Variants in LIFR observed in about 807,000 individuals in gnomAD.
LIFR encodes the protein LIF receptor subunit alpha, also known as leukemia inhibitory factor receptor.
In LIFR, 84 loss-of-function variants were observed where a neutral mutation model predicts 122.2. That is an observed-to-expected ratio of 0.69 (90% confidence interval 0.58 to 0.82). The LOEUF (loss-of-function observed/expected upper bound fraction) is 0.82. Among genes scored for constraint, LIFR ranks in the 40% least tolerant of loss-of-function variants. The pLI is 0.00. For synonymous variants in LIFR, 422 were observed against 434.7 expected (o/e 0.97, Z 0.36); for missense variants, 1,294 against 1,311.6 (o/e 0.99, Z 0.21).
chr5:38,589,603 C>G (rs1749858775), intron 1 of LIFR, among the ~76,000 whole-genome samples: 1 of 151,946 alleles, frequency 6.6e-6, no homozygotes, highest in African/African-American at 2.4e-5. Flanking sequence ...ATTTGATAAC[C>G]TTATTCCATT....
intron 1 of LIFR, among the ~76,000 whole-genome samples, chr5:38,584,621 A>G (rs1481545825): frequency 6.6e-6 from 1 of 152,180 alleles, no homozygotes; most frequent in African/African-American, 2.4e-5. Context: ...AGAAAAAAAA[A>G]ATAGTGCAAG....
At chr5:38,595,727 CTTTTTTTTT>C (rs70978897), upstream of LIFR, among the ~76,000 whole-genome samples, 4 of 91,932 alleles carry the variant, frequency 4.4e-5, no homozygotes, top group Non-Finnish European at 8.1e-5. Flanking sequence ...CACAATAGGT[CTTTTTTTTT>C]TTTTTTTTTT....
At chr5:38,491,160 G>A (rs1208739044) in intron 14 of LIFR, among the ~76,000 whole-genome samples, 1 of 152,154 alleles carries the variant, frequency 6.6e-6, no homozygotes, top group African/African-American at 2.4e-5. Context: ...AACTCCACAA[G>A]ATATAGAAAT....
intron 12 of LIFR, among the ~76,000 whole-genome samples, chr5:38,497,383 CT>C: frequency 6.6e-6 from 1 of 152,216 alleles, no homozygotes. Context: ...TGAAGAAAAA[CT>C]ATACTTGCTA....
chr5:38,520,336 G>A (rs1189939108), intron 5 of LIFR, among the ~76,000 whole-genome samples: 1 of 152,070 alleles, frequency 6.6e-6, no homozygotes, highest in Non-Finnish European at 1.5e-5. Flanking sequence ...TTGTTGAGTT[G>A]TTTTAGTTCA....
intron 6 of LIFR, among the ~76,000 whole-genome samples, 180 bp downstream of exon 6, chr5:38,511,610 C>T (rs934740514): frequency 3.9e-5 from 6 of 152,082 alleles, no homozygotes; most frequent in African/African-American, 1.4e-4. Flanking sequence ...AATACAGATT[C>T]CTGAAGCCTA....
intron 1 of LIFR, among the ~76,000 whole-genome samples, chr5:38,580,720 C>T (rs1290267519): frequency 1.3e-5 from 2 of 152,080 alleles, no homozygotes; most frequent in African/African-American, 2.4e-5. Context: ...TTTTTTCCCT[C>T]GTTCCAATTC....
chr5:38,511,976 C>A lies in LIFR; in HGVS notation c.562-12G>T, dbSNP rs551186831. 1 of 1,613,222 alleles carries A rather than the reference C, an allele frequency of 6.2e-7. No individual in the cohort carries two copies. The highest frequency in any genetic ancestry group is 1.7e-5 in the Admixed American group (1 of 59,962). ...GTGTTGTGGGTCACCTAAAAATGAA[C>A]ACAAACACAAAACTGTATTTCCAAG... On this transcript the variant is annotated splice_polypyrimidine_tract_variant and intron_variant, in intron 5 of 19. Transcript: ENST00000453190.
intron 8 of LIFR, 140 bp from the exon 9 acceptor site, chr5:38,506,214 T>G (rs939265674): frequency 3.1e-6 from 2 of 646,322 alleles, no homozygotes; most frequent in Non-Finnish European, 5.3e-6. Context: ...GAGAAGAAAA[T>G]GTATGTGATA....
chr5:38,504,200 CAT>C, intron 9 of LIFR, 79 bp from the exon 10 acceptor site: 1 of 1,050,412 alleles, frequency 9.5e-7, no homozygotes, highest in Non-Finnish European at 1.5e-6. Context: ...GAGAAGAAAA[CAT>C]AAAAAACAAC....
chr5:38,532,996 C>T (rs553934563), intron 1 of LIFR, among the ~76,000 whole-genome samples: 1 of 152,308 alleles, frequency 6.6e-6, no homozygotes, highest in African/African-American at 2.4e-5. Context: ...AAGTAACAAA[C>T]GTGTTCACAG....
upstream of LIFR, chr5:38,558,133 T>C (rs887465845): frequency 2.0e-5 from 3 of 152,058 alleles, no homozygotes; most frequent in African/African-American, 7.2e-5. Flanking sequence ...GAAAGTATTT[T>C]AATATATATT....
chr5:38,552,656 G>A (rs979625077), intron 1 of LIFR, among the ~76,000 whole-genome samples: 1 of 152,110 alleles, frequency 6.6e-6, no homozygotes, highest in African/African-American at 2.4e-5. Flanking sequence ...TTGTTTTTAA[G>A]GTTTTACACT....
At chr5:38,604,838 G>T (rs1307676893) in intron 2 of LIFR, among the ~76,000 whole-genome samples, 6 of 152,186 alleles carry the variant, frequency 3.9e-5, no homozygotes, top group Non-Finnish European at 8.8e-5. Context: ...TAGGGAGACA[G>T]GAGACATCAC....
rs1375913845 is a variant in LIFR at position 38,566,869 on chromosome 5, AAAG to A, written c.-20+28389_-20+28391del. 2.6e-5 allele frequency among the ~76,000 whole-genome samples: 4 copies of A among 152,338 alleles called. No individual in the cohort carries two copies. The South Asian group carries it at 8.3e-4, about 32-fold the overall frequency. On this transcript the variant is annotated intron_variant, in intron 1 of 19. Coordinates refer to the LIFR transcript ENST00000263409. ...AGTGTTAAAAACCAATTCTAAAAAA[AAAG>A]AAGAAAATCCTTGATTTGTAGCATT...
At chr5:38,550,432 T>C (rs1488227035) in intron 1 of LIFR, among the ~76,000 whole-genome samples, 1 of 152,178 alleles carries the variant, frequency 6.6e-6, no homozygotes, top group Admixed American at 6.5e-5. Context: ...GAAAATCCAG[T>C]GATAACAGAC....
intron 1 of LIFR, among the ~76,000 whole-genome samples, chr5:38,570,416 A>G (rs951651670): frequency 6.6e-6 from 1 of 152,190 alleles, no homozygotes; most frequent in Non-Finnish European, 1.5e-5. Context: ...GTAGGAAAAT[A>G]TAATAGAGTT....
chr5:38,538,962 TTCTC>T (rs1203551683), intron 1 of LIFR, among the ~76,000 whole-genome samples: 3 of 152,034 alleles, frequency 2.0e-5, no homozygotes, highest in Admixed American at 6.5e-5. Flanking sequence ...TTCCTCTTGG[TTCTC>T]TCTTTTTTTT....
chr5:38,493,038 C>A lies in LIFR; in HGVS notation c.2065+568G>T, dbSNP rs142388571. The stretch of plus-strand genomic sequence containing the variant: ...TCCTGAGCATCAGGCTCATGGAACG[C>A]AAGGCCTCCCACCCACACTGCGCTC... On this transcript the variant is annotated intron_variant, in intron 14 of 19. Transcript: ENST00000453190. Among the ~76,000 whole-genome samples the A allele has an allele frequency of 2.1e-3, 320 of 152,268 alleles. 1 individual carries two copies. Among genetic ancestry groups the A allele is most frequent in the African/African-American group, 7.4e-3 (308 of 41,554 alleles).
Sources: allele counts gnomAD v4.1 joint callset (sites outside exome capture counted in the v4.1 genomes callset), GRCh38; gene constraint gnomAD v4.1.1; transcripts MANE v1.5; gene names NCBI Gene and HGNC (gene_info 2026-07-23, HGNC 2026-07-21).